RNF38: variants seen among roughly 807,000 people sequenced by gnomAD.
RNF38 encodes the protein E3 ubiquitin-protein ligase RNF38.
RNF38 carries 15 observed loss-of-function variants against 67.2 expected under a neutral mutation model. The observed-to-expected ratio is 0.22, with a 90% CI of 0.15 to 0.34. The LOEUF is 0.34. RNF38 is among the 10% of genes least tolerant of loss of function. The pLI is 1.00. For synonymous variants in RNF38, 220 were observed against 218.8 expected, an observed-to-expected ratio of 1.01 and a Z score of -0.05; for missense variants, 524 against 639.9, an observed-to-expected ratio of 0.82 and a Z score of 1.95.
chr9:36,396,567 G>A (rs1013161137), intron 1 of RNF38, among the ~76,000 whole-genome samples: 6 of 152,074 alleles, frequency 3.9e-5, no homozygotes, highest in Non-Finnish European at 7.4e-5. Flanking sequence ...GTGGAGCAGG[G>A]GTACTCAAAG....
intron 4 of RNF38, among the ~76,000 whole-genome samples, chr9:36,366,174 C>A (rs1008254568): frequency 6.6e-6 from 1 of 151,900 alleles, no homozygotes; most frequent in Admixed American, 6.6e-5. Context: ...AATCCCAGGA[C>A]CCTATCATTT....
chr9:36,446,596 C>T (rs1353960780), intron 1 of RNF38, among the ~76,000 whole-genome samples: 2 of 152,020 alleles, frequency 1.3e-5, no homozygotes, highest in African/African-American at 2.4e-5. Context: ...CACTTGAGGT[C>T]AGGAGTTTGA....
At position 36,352,031 on chromosome 9, in the gene RNF38, G is replaced by C. The variant is rs555567893; in HGVS notation, c.1178+711C>G. On this transcript the variant is annotated intron_variant, in intron 8 of 11. Coordinates refer to ENST00000259605, the MANE Select transcript of RNF38 (RefSeq NM_022781.5). ...TAAATAATTACTGGCAGGGCGCAGTGGCTCACACCTGTAATCCCAGCACTT... is the reference window on the plus strand; with the variant it reads ...TAAATAATTACTGGCAGGGCGCAGTCGCTCACACCTGTAATCCCAGCACTT... Among the ~76,000 whole-genome samples the C allele has an allele frequency of 2.0e-5, 3 of 152,272 alleles. No individual in the cohort carries two copies. In the East Asian group the frequency reaches 5.8e-4, roughly 29 times the overall value.
At chr9:36,478,817 CAAAAA>C (rs58286962) in intron 1 of RNF38, among the ~76,000 whole-genome samples, 2 of 106,086 alleles carry the variant, frequency 1.9e-5, no homozygotes, top group African/African-American at 3.4e-5. Context: ...AACGCTGTCT[CAAAAA>C]AAAAAAAAAA....
chr9:36,395,095 A>G (rs932205673), intron 1 of RNF38, among the ~76,000 whole-genome samples: 2 of 152,206 alleles, frequency 1.3e-5, no homozygotes, highest in Non-Finnish European at 2.9e-5. Flanking sequence ...TCACAAAACT[A>G]AAGTTTACAG....
chr9:36,379,696 G>A (rs1423354768), intron 2 of RNF38, among the ~76,000 whole-genome samples: 1 of 152,166 alleles, frequency 6.6e-6, no homozygotes, highest in Admixed American at 6.5e-5. Flanking sequence ...GGTAGTATAG[G>A]AAGTGTGGAA....
intron 2 of RNF38, among the ~76,000 whole-genome samples, chr9:36,385,146 A>T (rs553743536): frequency 1.3e-4 from 18 of 134,998 alleles, no homozygotes; most frequent in African/African-American, 6.2e-4. Context: ...CCGAAAATTT[A>T]AAAAAAAAAA....
intron 5 of RNF38, among the ~76,000 whole-genome samples, chr9:36,357,470 A>G (rs1195888081): frequency 2.6e-5 from 4 of 152,234 alleles, no homozygotes; most frequent in Non-Finnish European, 4.4e-5. Flanking sequence ...TTGACATATG[A>G]GAAAACATGG....
chr9:36,424,578 A>G, intron 2 of RNF38: 1 of 945,328 alleles, frequency 1.1e-6, no homozygotes, highest in Non-Finnish European at 1.3e-6. Context: ...GTTGGCATGC[A>G]TTTTCCCCAT....
chr9:36,420,133 CTG>C (rs1476685613), intron 2 of RNF38, among the ~76,000 whole-genome samples: 1 of 152,176 alleles, frequency 6.6e-6, no homozygotes, highest in Admixed American at 6.5e-5. Flanking sequence ...CAGTGTACTG[CTG>C]TGTGATCTTG....
chr9:36,401,197 A>AGGGGGCG, upstream of RNF38: 1 of 869,174 alleles, frequency 1.2e-6, no homozygotes. Flanking sequence ...CCGAGGGGGA[A>AGGGGGCG]GGGGGCGGGG....
intron 1 of RNF38, among the ~76,000 whole-genome samples, chr9:36,479,339 G>A (rs1056078610): frequency 2.0e-5 from 3 of 152,240 alleles, no homozygotes; most frequent in Non-Finnish European, 4.4e-5. Context: ...GTGGGTGGTA[G>A]CAACAGAGGA....
intron 1 of RNF38, among the ~76,000 whole-genome samples, chr9:36,398,142 A>G (rs1185612528): frequency 2.0e-5 from 3 of 152,190 alleles, no homozygotes; most frequent in African/African-American, 4.8e-5. Context: ...ACAAAATGGG[A>G]AAAAGAAACA....
rs369578247 is a variant in RNF38, at chr9:36,341,721, G to A, written c.1485+604C>T. On this transcript the variant is annotated intron_variant, in intron 11 of 11. Transcript: ENST00000259605. ...ACCCAGTCTCGCTTGAGCCTGGGAT[G>A]TCAAGGCTACATTGAGCCATGACTG... 4.0e-5 allele frequency among the ~76,000 whole-genome samples: 6 copies of A among 151,884 alleles called. No homozygotes were observed. The South Asian group carries it at 1.2e-3, about 32-fold the overall frequency.
intron 2 of RNF38, among the ~76,000 whole-genome samples, chr9:36,386,787 G>C (rs1208316493): frequency 6.6e-6 from 1 of 152,126 alleles, no homozygotes; most frequent in Non-Finnish European, 1.5e-5. Flanking sequence ...GGCAATGTCA[G>C]GAAGTTACCC....
At chr9:36,387,430 C>G (rs1228440033) in intron 2 of RNF38, among the ~76,000 whole-genome samples, 1 of 152,190 alleles carries the variant, frequency 6.6e-6, no homozygotes, top group African/African-American at 2.4e-5. Flanking sequence ...TACTTAATTA[C>G]CTTTTGAAAA....
intron 2 of RNF38, among the ~76,000 whole-genome samples, chr9:36,418,380 T>C (rs1220193180): frequency 1.3e-5 from 2 of 151,700 alleles, no homozygotes; most frequent in African/African-American, 4.8e-5. Flanking sequence ...AGGCCAGGCA[T>C]GATGATTCAT....
intron 5 of RNF38, 114 bp downstream of exon 5, chr9:36,357,661 T>C: frequency 1.5e-6 from 1 of 668,516 alleles, no homozygotes; most frequent in Admixed American, 3.1e-5. Flanking sequence ...TTTTGTTTGC[T>C]TATATAATGC....
intron 4 of RNF38, among the ~76,000 whole-genome samples, chr9:36,358,341 A>T (rs1006436601): frequency 7.2e-5 from 11 of 152,228 alleles, no homozygotes; most frequent in Admixed American, 1.3e-4. Context: ...GTATATTTTT[A>T]AAAAAATGAA....
Sources: allele counts gnomAD v4.1 joint callset (sites outside exome capture counted in the v4.1 genomes callset), GRCh38; gene constraint gnomAD v4.1.1; transcripts MANE v1.5; gene names NCBI Gene and HGNC (gene_info 2026-07-23, HGNC 2026-07-21).